The following STAB2 variants were observed in gnomAD, a reference collection of about 807,000 sequenced individuals.
STAB2 encodes the protein stabilin-2.
In STAB2, 288 loss-of-function variants were observed where a neutral mutation model predicts 338.1. That is an observed-to-expected ratio of 0.85 (90% CI 0.77 to 0.94). The LOEUF is 0.94. Ranked by LOEUF, STAB2 falls within the 40% of genes least tolerant of loss-of-function variation. The probability of loss-of-function intolerance (pLI) is 0.00; values close to 1 mark genes in which losing one functional copy is unlikely to be tolerated. For missense variants in STAB2, 3,141 were observed against 3,210.1 expected (o/e 0.98, Z 0.52); for synonymous variants, 1,202 against 1,193.3 (o/e 1.01, Z -0.15).
At chr12:103,727,408 G>A (rs939851405) in intron 47 of STAB2, 58 bp downstream of exon 47, 1 of 1,580,112 alleles carries the variant, frequency 6.3e-7, no homozygotes, top group African/African-American at 1.3e-5. Context: ...TAGTCCTTGG[G>A]CCTCGCCCTG....
rs1219721774 is a variant in STAB2, at chr12:103,677,515, G to A, written c.2709G>A (p.Gly903=). 1 of 1,614,188 alleles carries A rather than the reference G, an allele frequency of 6.2e-7. No individual in the cohort carries two copies. The highest frequency in any genetic ancestry group is 8.5e-7 in the Non-Finnish European group (1 of 1,179,998). Residue 903 remains glycine, a synonymous_variant, in exon 25 of 69, where the codon GGG becomes GGA. Transcript: ENST00000388887. The part of the protein sequence containing the change: ...HTCVCQQGWT[G]NGRDCSEINN... ...GCGTGTGTCAGCAGGGTTGGACAGG[G>A]AATGGGAGAGACTGCTCGGAGATCA...
chr12:103,700,162 C>A (rs12426747), intron 34 of STAB2, among the ~76,000 whole-genome samples: 15,970 of 152,140 alleles, frequency 0.1, 977 homozygotes, highest in African/African-American at 0.16. Flanking sequence ...TCATGAGGCT[C>A]AATATTTAAT....
intron 49 of STAB2, among the ~76,000 whole-genome samples, 174 bp downstream of exon 49, chr12:103,730,430 T>A (rs1351274188): frequency 6.6e-6 from 1 of 152,204 alleles, no homozygotes; most frequent in Non-Finnish European, 1.5e-5. Context: ...TAAAAGACTA[T>A]CTTAAATTGA....
intron 5 of STAB2, among the ~76,000 whole-genome samples, chr12:103,628,783 C>T (rs1221287749): frequency 6.6e-6 from 1 of 152,172 alleles, no homozygotes; most frequent in South Asian, 2.1e-4. Flanking sequence ...TGCAATGACC[C>T]TATTTCCCAA....
chr12:103,747,498 C>T (rs1438237254), intron 58 of STAB2, among the ~76,000 whole-genome samples: 2 of 152,190 alleles, frequency 1.3e-5, no homozygotes, highest in Non-Finnish European at 2.9e-5. Context: ...TAAGCCCAGC[C>T]TGGACAGCAA....
Position 103,731,506 on chromosome 12 carries a change from TGAGC to T in STAB2, c.5224-69_5224-66del. The T allele has an allele frequency of 5.2e-6, 8 of 1,542,942 alleles. No homozygotes were observed. The Admixed American group carries it at 5.5e-5, about 11-fold the overall frequency. ...TATGTTACCTTTACTTTTTTTCACT[TGAGC>T]TCTTGTTAAATTCCTCTTAAACTGT... On this transcript the variant is annotated intron_variant, in intron 49 of 68. Coordinates refer to ENST00000388887, the MANE Select transcript of STAB2 (RefSeq NM_017564.10).
rs557447659 is a variant in STAB2, at chr12:103,624,538, T to C, written c.487+2427T>C. On this transcript the variant is annotated intron_variant, in intron 5 of 68. Coordinates refer to ENST00000388887, the MANE Select transcript of STAB2 (RefSeq NM_017564.10). ...GAGAGGATTTAATGGGATAAGTGCA[T>C]AATAAATGTTATGATTATTATTCCC... 2.8e-4 allele frequency among the ~76,000 whole-genome samples: 43 copies of C among 152,376 alleles called. 1 individual carries two copies. The South Asian group carries it at 8.9e-3, about 32-fold the overall frequency.
At chr12:103,636,981 G>A (rs1036134326) in intron 6 of STAB2, 130 bp from the exon 7 acceptor site, 22 of 977,264 alleles carry the variant, frequency 2.3e-5, no homozygotes, top group African/African-American at 6.7e-5. Context: ...TTAACTTAAC[G>A]TGTTCTGTAT....
rs1957394899 is a variant in STAB2, at chr12:103,627,250, C to A, written c.488-4348C>A. Among the ~76,000 whole-genome samples the A allele has an allele frequency of 3.3e-5, 5 of 152,294 alleles. No homozygotes were observed. The South Asian group carries it at 1.0e-3, about 32-fold the overall frequency. ...TGAGTGTCCATCATACATTACACAC[C>A]AGACAGGTGAAGTGGATCCTAAGAG... On this transcript the variant is annotated intron_variant, in intron 5 of 68. Coordinates refer to ENST00000388887, the MANE Select transcript of STAB2 (RefSeq NM_017564.10).
Position 103,704,415 on chromosome 12 carries a change from G to T in STAB2, c.3844-143G>T, listed in dbSNP as rs371765408. 1.3e-4 allele frequency: 84 copies of T among 665,112 alleles called. 1 individual carries two copies. The African/African-American group carries it at 1.5e-3, about 12-fold the overall frequency. 41.2% of individuals were successfully genotyped at this position (665,112 alleles called of 1,614,324 possible). On this transcript the variant is annotated intron_variant, in intron 35 of 68. Coordinates refer to ENST00000388887, the MANE Select transcript of STAB2 (RefSeq NM_017564.10). ...ATGTGCAAGACCCAGAGGAGTTGAAGTGTTTGTCTCAGAACATTAAAGAGG... is the reference window on the plus strand; with the variant it reads ...ATGTGCAAGACCCAGAGGAGTTGAATTGTTTGTCTCAGAACATTAAAGAGG...
chr12:103,637,108 C>T lies in STAB2; in HGVS notation c.584-3C>T. 6.3e-7 allele frequency: 1 copy of T among 1,596,572 alleles called. No homozygotes were observed. The highest frequency in any genetic ancestry group is 2.3e-5 in the East Asian group (1 of 44,224). ...CAAGTACTTCAACAATTTTCCTATG[C>T]AGCCATCCCTGAATGTGCAGCCTTG... On this transcript the variant is annotated splice_region_variant and splice_polypyrimidine_tract_variant and intron_variant, in intron 6 of 68. Transcript: ENST00000388887.
At chr12:103,659,325 C>G (rs963750464) in intron 15 of STAB2, among the ~76,000 whole-genome samples, 2 of 152,178 alleles carry the variant, frequency 1.3e-5, no homozygotes, top group Non-Finnish European at 2.9e-5. Context: ...GGCACAGTGA[C>G]CAAGGCCAAA....
chr12:103,645,545 A>C (rs998051450), intron 9 of STAB2, among the ~76,000 whole-genome samples: 3 of 152,232 alleles, frequency 2.0e-5, no homozygotes, highest in Admixed American at 1.3e-4. Flanking sequence ...AAATGAAGGA[A>C]TGTAACTTAT....
intron 51 of STAB2, among the ~76,000 whole-genome samples, 196 bp from the exon 52 acceptor site, chr12:103,735,295 A>G (rs902026560): frequency 2.0e-5 from 3 of 152,230 alleles, no homozygotes; most frequent in African/African-American, 7.2e-5. Context: ...CTTTCCCTCA[A>G]GAAGGAATTT....
chr12:103,672,693 G>A (rs562477027), intron 22 of STAB2, among the ~76,000 whole-genome samples: 5 of 152,184 alleles, frequency 3.3e-5, no homozygotes, highest in Admixed American at 6.5e-5. Flanking sequence ...AGGTGCCTTT[G>A]AAAATCTCCA....
chr12:103,600,384 A>G (rs918065077), intron 3 of STAB2, among the ~76,000 whole-genome samples: 5 of 152,244 alleles, frequency 3.3e-5, no homozygotes, highest in African/African-American at 9.6e-5. Flanking sequence ...AGTTTGCTAC[A>G]ACAAAATACT....
intron 17 of STAB2, among the ~76,000 whole-genome samples, chr12:103,662,068 G>A (rs1874672405): frequency 6.6e-6 from 1 of 152,184 alleles, no homozygotes; most frequent in South Asian, 2.1e-4. Flanking sequence ...AATACTGATG[G>A]TAACTCAGAC....
intron 10 of STAB2, among the ~76,000 whole-genome samples, chr12:103,649,427 A>C (rs1177979489): frequency 6.6e-6 from 1 of 152,076 alleles, no homozygotes; most frequent in East Asian, 1.9e-4. Context: ...ATTACTCCAC[A>C]CTCTCTAGAG....
chr12:103,609,193 C>A (rs541138642), intron 3 of STAB2, among the ~76,000 whole-genome samples: 227 of 152,242 alleles, frequency 1.5e-3, no homozygotes, highest in African/African-American at 5.2e-3. Context: ...TCCATATGAA[C>A]TTTAAAGTAG....
Sources: allele counts gnomAD v4.1 joint callset (sites outside exome capture counted in the v4.1 genomes callset), GRCh38; gene constraint gnomAD v4.1.1; transcripts MANE v1.5; gene names NCBI Gene and HGNC (gene_info 2026-07-23, HGNC 2026-07-21).